MARCHF10: variants seen among roughly 807,000 people sequenced by gnomAD.
The protein encoded by MARCHF10 is probable E3 ubiquitin-protein ligase MARCHF10.
MARCHF10 carries 64 observed loss-of-function variants against 76.2 expected under a neutral mutation model. The ratio of observed to expected loss-of-function variants is 0.84; its 90% CI spans 0.69 to 1.03. The LOEUF (loss-of-function observed/expected upper bound fraction) is 1.03, where lower values mean the gene tolerates loss of function less well. Among genes scored for constraint, MARCHF10 ranks in the 50% least tolerant of loss-of-function variants. MARCHF10 has a pLI of 0.00. For synonymous variants in MARCHF10, 340 were observed against 357.5 expected (o/e 0.95, Z 0.55); for missense variants, 875 against 958.0 (o/e 0.91, Z 1.14).
chr17:62,711,266 T>G lies in MARCHF10; in HGVS notation c.2293A>C (p.Met765Leu). The change falls in exon 9 of 11, where the codon ATG (methionine) becomes CTG (leucine). Residue 765 changes from methionine to leucine, a missense_variant. By Grantham distance (15) the Met-to-Leu change is conservative. Transcript: ENST00000311269. The surrounding 1 kb of genome is among the most constrained non-coding windows in gnomAD (Gnocchi z 4.4). ...HLYEQRFAEL[M>L]RLNHNQVERE... ...TCCACCTGGTTGTGGTTGAGCCTCA[T>G]GAGTTCTGCAAACCTCTGCTCATAG... 1 of 1,614,060 alleles carries G rather than the reference T, an allele frequency of 6.2e-7. No individual in the cohort carries two copies. Among genetic ancestry groups the G allele is most frequent in the Non-Finnish European group, 8.5e-7 (1 of 1,179,930 alleles).
intron 8 of MARCHF10, among the ~76,000 whole-genome samples, chr17:62,715,478 T>C (rs1455488586): frequency 6.6e-6 from 1 of 152,240 alleles, no homozygotes; most frequent in Non-Finnish European, 1.5e-5. Flanking sequence ...TAGAATGTTA[T>C]TTGGCTCGCC....
intron 9 of MARCHF10, among the ~76,000 whole-genome samples, chr17:62,707,864 C>T (rs2089687196): frequency 6.6e-6 from 1 of 152,106 alleles, no homozygotes; most frequent in Non-Finnish European, 1.5e-5. Context: ...CTTTGAATAG[C>T]GGCTGAGGTG....
At chr17:62,717,715 A>G (rs1203209617) in intron 8 of MARCHF10, among the ~76,000 whole-genome samples, 9 of 152,088 alleles carry the variant, frequency 5.9e-5, no homozygotes, top group Admixed American at 5.2e-4. Flanking sequence ...AGCGCTCATG[A>G]CCCTGGCCAC....
chr17:62,714,349 G>A (rs1011874744), intron 8 of MARCHF10: 84 of 974,220 alleles, frequency 8.6e-5, no homozygotes, highest in Admixed American at 6.2e-5. Flanking sequence ...GTAATGGAAG[G>A]GAAGTAACCT....
chr17:62,711,462 A>C lies in MARCHF10; in HGVS notation c.2215-118T>G. The C allele has an allele frequency of 1.1e-6, 1 of 905,730 alleles. No individual in the cohort carries two copies. Among genetic ancestry groups the C allele is most frequent in the Non-Finnish European group, 1.7e-6 (1 of 581,708 alleles). 56.1% of individuals were successfully genotyped at this position (905,730 alleles called of 1,614,324 possible). On this transcript the variant is annotated intron_variant, in intron 8 of 10. Transcript: ENST00000311269. This position sits in a 1 kb window ranked among gnomAD's most constrained non-coding sequence, Gnocchi z 4.4. ...GAACTGGGAGAAGAGCCCAAGCTCC[A>C]AGGCAAGGCCTGCTCTTGGGGACCA...
chr17:62,727,521 A>C (rs948200428), intron 6 of MARCHF10, among the ~76,000 whole-genome samples: 1 of 152,072 alleles, frequency 6.6e-6, no homozygotes, highest in African/African-American at 2.4e-5. Flanking sequence ...AGAAAAAAAT[A>C]TATAGCTTGG....
chr17:62,708,060 T>C (rs999513049), intron 9 of MARCHF10, among the ~76,000 whole-genome samples: 4 of 152,122 alleles, frequency 2.6e-5, no homozygotes, highest in African/African-American at 9.7e-5. Flanking sequence ...ATCCCGCCAG[T>C]GCACTCCAGC....
chr17:62,717,369 G>C (rs1453425682), intron 8 of MARCHF10, among the ~76,000 whole-genome samples: 2 of 152,262 alleles, frequency 1.3e-5, no homozygotes, highest in African/African-American at 4.8e-5. Context: ...CAAAGGCTCT[G>C]ATGGCTTGTG....
At chr17:62,707,703 G>A (rs1345231999) in intron 9 of MARCHF10, 1 of 152,228 alleles carries the variant, frequency 6.6e-6, no homozygotes, top group Non-Finnish European at 1.5e-5. Context: ...CCAACCTTCC[G>A]TTACAACACA....
intron 3 of MARCHF10, among the ~76,000 whole-genome samples, chr17:62,774,249 C>T (rs1055674129): frequency 2.6e-5 from 4 of 151,948 alleles, no homozygotes; most frequent in Admixed American, 6.6e-5. Context: ...CAGAGTGGGA[C>T]GGAGGAGGGC....
chr17:62,791,875 C>T (rs2148137978), intron 2 of MARCHF10, among the ~76,000 whole-genome samples: 1 of 152,182 alleles, frequency 6.6e-6, no homozygotes, highest in South Asian at 2.1e-4. Context: ...CAGGGGAGGA[C>T]AGAATCCATG....
intron 2 of MARCHF10, among the ~76,000 whole-genome samples, chr17:62,796,726 C>T (rs889747071): frequency 4.6e-5 from 7 of 152,154 alleles, no homozygotes; most frequent in African/African-American, 1.2e-4. Context: ...CGGTGGCTCA[C>T]GCCTGTAATC....
At chr17:62,783,682 T>G (rs2092700794) in intron 3 of MARCHF10, among the ~76,000 whole-genome samples, 1 of 151,896 alleles carries the variant, frequency 6.6e-6, no homozygotes, top group Non-Finnish European at 1.5e-5. Flanking sequence ...TAAAAAATGA[T>G]AAAGGGGATA....
At chr17:62,793,030 C>CAAA (rs2092893804) in intron 2 of MARCHF10, among the ~76,000 whole-genome samples, 1 of 147,798 alleles carries the variant, frequency 6.8e-6, no homozygotes. Flanking sequence ...ATCACCACCA[C>CAAA]CTCCATCAAC....
intron 2 of MARCHF10, among the ~76,000 whole-genome samples, chr17:62,796,080 C>T (rs1335349602): frequency 6.6e-6 from 1 of 151,914 alleles, no homozygotes; most frequent in African/African-American, 2.4e-5. Context: ...TCTCGGCTCA[C>T]CGCAACCTCC....
At chr17:62,739,879 T>G (rs2147834664) in intron 5 of MARCHF10, among the ~76,000 whole-genome samples, 1 of 152,260 alleles carries the variant, frequency 6.6e-6, no homozygotes, top group Middle Eastern at 3.4e-3. Context: ...TTAGCTCATC[T>G]CATAGAGGCC....
chr17:62,746,593 G>A (rs1054183980), intron 4 of MARCHF10, among the ~76,000 whole-genome samples: 2 of 152,082 alleles, frequency 1.3e-5, no homozygotes, highest in Admixed American at 6.5e-5. Context: ...TATCACCTGA[G>A]ACCTCAGACC....
At chr17:62,718,895 C>T (rs1021180035) in intron 8 of MARCHF10, among the ~76,000 whole-genome samples, 1 of 152,052 alleles carries the variant, frequency 6.6e-6, no homozygotes, top group Non-Finnish European at 1.5e-5. Flanking sequence ...CTTTCTCTAA[C>T]CTCCTGATGC....
intron 9 of MARCHF10, among the ~76,000 whole-genome samples, chr17:62,710,725 A>AT (rs1245830366): frequency 6.6e-6 from 1 of 151,688 alleles, no homozygotes; most frequent in Non-Finnish European, 1.5e-5. Context: ...CACCCAGCTA[A>AT]TTTTTTTGTA....
Sources: gnomAD v4.1 joint callset for allele counts (sites outside exome capture counted in the v4.1 genomes callset) on GRCh38, gnomAD v4.1.1 for gene constraint, Gnocchi (gnomAD v3.1) non-coding constraint, MANE v1.5 for transcripts, NCBI Gene and HGNC (gene_info 2026-07-23, HGNC 2026-07-21) for gene names.